Variants in PIP4K2A observed in about 807,000 individuals in gnomAD.
The protein encoded by PIP4K2A is phosphatidylinositol-5-phosphate 4-kinase type 2 alpha.
A neutral mutation model predicts 42.9 loss-of-function variants in PIP4K2A; 14 were observed. The observed-to-expected ratio is 0.33, with a 90% confidence interval of 0.22 to 0.51. PIP4K2A has a LOEUF of 0.51. Ranked by LOEUF, PIP4K2A falls within the 20% of genes least tolerant of loss-of-function variation. The probability of loss-of-function intolerance (pLI) is 0.97; values close to 1 mark genes in which losing one functional copy is unlikely to be tolerated. For synonymous variants in PIP4K2A, 192 were observed against 192.2 expected (o/e 1.00, Z 0.01); for missense variants, 434 against 519.8 (o/e 0.83, Z 1.61).
chr10:22,690,423 A>T (rs185629906), intron 1 of PIP4K2A, among the ~76,000 whole-genome samples: 34 of 152,348 alleles, frequency 2.2e-4, no homozygotes, highest in Non-Finnish European at 3.7e-4. Context: ...CTACTTGGAA[A>T]TCATTAACTC....
At chr10:22,567,511 T>G in intron 6 of PIP4K2A, 1 of 516,164 alleles carries the variant, frequency 1.9e-6, no homozygotes, top group South Asian at 1.8e-5. Context: ...TAGGTCCTGG[T>G]TCCCTGACCC....
At chr10:22,589,490 T>C (rs1837464799) in intron 4 of PIP4K2A, among the ~76,000 whole-genome samples, 1 of 152,210 alleles carries the variant, frequency 6.6e-6, no homozygotes. Flanking sequence ...TAAATGAATT[T>C]AGAGGCTAAT....
At chr10:22,695,270 G>A (rs1165676670) in intron 1 of PIP4K2A, among the ~76,000 whole-genome samples, 1 of 152,020 alleles carries the variant, frequency 6.6e-6, no homozygotes, top group Non-Finnish European at 1.5e-5. Context: ...CTATGTATAA[G>A]ACAAAATAAT....
At chr10:22,647,352 G>A (rs1588683951) in intron 1 of PIP4K2A, among the ~76,000 whole-genome samples, 1 of 152,160 alleles carries the variant, frequency 6.6e-6, no homozygotes, top group East Asian at 1.9e-4. Flanking sequence ...ACGCGCGTGT[G>A]CGTGTGTTTT....
chr10:22,631,482 CGAACCCTGTCA>C (rs1338145150), intron 1 of PIP4K2A, among the ~76,000 whole-genome samples: 1 of 152,084 alleles, frequency 6.6e-6, no homozygotes, highest in African/African-American at 2.4e-5. Flanking sequence ...CACCAGAAAC[CGAACCCTGTCA>C]GAACCCTGAT....
chr10:22,608,899 C>T (rs1309152969), intron 2 of PIP4K2A, among the ~76,000 whole-genome samples: 3 of 150,694 alleles, frequency 2.0e-5, no homozygotes, highest in Non-Finnish European at 3.0e-5. Context: ...CATAATGATC[C>T]TCACATGGGA....
At chr10:22,628,170 T>C (rs957264155) in intron 1 of PIP4K2A, among the ~76,000 whole-genome samples, 1 of 152,212 alleles carries the variant, frequency 6.6e-6, no homozygotes, top group African/African-American at 2.4e-5. Flanking sequence ...TACCAAAGTT[T>C]AGACTGATTA....
chr10:22,653,788 C>G (rs181546380), intron 1 of PIP4K2A, among the ~76,000 whole-genome samples: 5 of 152,088 alleles, frequency 3.3e-5, no homozygotes, highest in Admixed American at 6.6e-5. Context: ...GCAGGAGAAT[C>G]GCATGAATCC....
intron 1 of PIP4K2A, among the ~76,000 whole-genome samples, chr10:22,660,554 T>A (rs1016714013): frequency 3.3e-5 from 5 of 152,088 alleles, no homozygotes; most frequent in Admixed American, 3.3e-4. Flanking sequence ...GATGCAAGAA[T>A]CTAGGTGATC....
intron 1 of PIP4K2A, among the ~76,000 whole-genome samples, chr10:22,622,826 C>T (rs1427077489): frequency 1.3e-5 from 2 of 151,996 alleles, no homozygotes; most frequent in African/African-American, 4.8e-5. Flanking sequence ...AATACTAAAT[C>T]GCCAAATTTA....
chr10:22,591,222 G>A (rs946090220), intron 4 of PIP4K2A, among the ~76,000 whole-genome samples: 1 of 152,240 alleles, frequency 6.6e-6, no homozygotes, highest in South Asian at 2.1e-4. Flanking sequence ...GCTGGGGCCA[G>A]GACAGAAGAA....
At chr10:22,608,376 G>T (rs1004062076) in intron 2 of PIP4K2A, among the ~76,000 whole-genome samples, 1 of 152,192 alleles carries the variant, frequency 6.6e-6, no homozygotes, top group South Asian at 2.1e-4. Flanking sequence ...GTTAGGAAGA[G>T]GCAGCGGAGC....
rs1266883536 is a variant in PIP4K2A, at chr10:22,664,182, CATATATAT to C, written c.144+49993_144+50000del. Among the ~76,000 whole-genome samples the C allele has an allele frequency of 1.8e-4, 8 of 43,500 alleles. No individual in the cohort carries two copies. The East Asian group carries it at 2.8e-3, about 15-fold the overall frequency. The allele number at this position is 43,500 out of a possible 152,430, so 28.5% of individuals were successfully genotyped here. On this transcript the variant is annotated intron_variant, in intron 1 of 9. Coordinates refer to ENST00000376573, the MANE Select transcript of PIP4K2A (RefSeq NM_005028.5). Reference sequence around the variant, plus strand: ...ATATATATATACATATATATATATACATATATATACATATATATATACATATATATATA... The same window carrying C: ...ATATATATATACATATATATATATACACATATATATATACATATATATATA...
chr10:22,600,341 G>A (rs540418901), intron 3 of PIP4K2A, among the ~76,000 whole-genome samples: 83 of 152,214 alleles, frequency 5.5e-4, no homozygotes, highest in Non-Finnish European at 1.0e-3. Context: ...AAGGGAACAT[G>A]CCAATACCGT....
chr10:22,612,230 C>G (rs1467046144), intron 1 of PIP4K2A, among the ~76,000 whole-genome samples: 1 of 152,220 alleles, frequency 6.6e-6, no homozygotes, highest in African/African-American at 2.4e-5. Flanking sequence ...CCTCTTGGGG[C>G]TTATGGTCCA....
At chr10:22,558,160 T>A (rs1266295389) in intron 6 of PIP4K2A, among the ~76,000 whole-genome samples, 3 of 152,182 alleles carry the variant, frequency 2.0e-5, no homozygotes, top group Non-Finnish European at 4.4e-5. Flanking sequence ...ATGCTCCACA[T>A]AAAAAATACG....
intron 8 of PIP4K2A, among the ~76,000 whole-genome samples, 168 bp from the exon 9 acceptor site, chr10:22,540,242 C>G (rs940836147): frequency 5.9e-5 from 9 of 152,230 alleles, no homozygotes; most frequent in Admixed American, 4.6e-4. Flanking sequence ...CGGATCCTGA[C>G]TAAACACACA....
chr10:22,662,557 A>C (rs1453429660), intron 1 of PIP4K2A, among the ~76,000 whole-genome samples: 1 of 152,162 alleles, frequency 6.6e-6, no homozygotes, highest in Non-Finnish European at 1.5e-5. Flanking sequence ...TTTGCCCTTT[A>C]ATATACAGGG....
chr10:22,538,246 A>C (rs553984683), intron 9 of PIP4K2A, among the ~76,000 whole-genome samples: 1 of 152,318 alleles, frequency 6.6e-6, no homozygotes, highest in Admixed American at 6.5e-5. Flanking sequence ...CTTTGCTGAC[A>C]GTAATGTTTT....
Sources: allele counts gnomAD v4.1 joint callset (sites outside exome capture counted in the v4.1 genomes callset), GRCh38; gene constraint gnomAD v4.1.1; transcripts MANE v1.5; gene names NCBI Gene and HGNC (gene_info 2026-07-23, HGNC 2026-07-21).